MAL: variants seen among roughly 807,000 people sequenced by gnomAD.
MAL encodes the protein myelin and lymphocyte protein.
MAL carries 5 observed loss-of-function variants against 16.7 expected under a neutral mutation model. The observed-to-expected ratio is 0.30, with a 90% CI of 0.16 to 0.63. MAL has a LOEUF of 0.63. Among genes scored for constraint, MAL ranks in the 30% least tolerant of loss-of-function variants. The pLI, the probability that MAL is intolerant of heterozygous loss-of-function variation, is 0.82. For synonymous variants in MAL, 96 were observed against 85.5 expected (o/e 1.12, Z -0.67); for missense variants, 202 against 195.8 (o/e 1.03, Z -0.19).
At chr2:95,038,428 C>CTGAGTGACTGAG in intron 1 of MAL, among the ~76,000 whole-genome samples, 1 of 112,618 alleles carries the variant, frequency 8.9e-6, no homozygotes, top group East Asian at 2.8e-4. Context: ...GAATGAGTGA[C>CTGAGTGACTGAG]TGAGTGACTG....
intron 1 of MAL, among the ~76,000 whole-genome samples, chr2:95,028,115 T>C (rs780267127): frequency 3.8e-5 from 5 of 132,280 alleles, no homozygotes; most frequent in African/African-American, 3.0e-5. Flanking sequence ...GAGACCAGAC[T>C]GACCAACATG....
chr2:95,039,304 G>T (rs564109666), intron 1 of MAL, among the ~76,000 whole-genome samples: 25 of 150,682 alleles, frequency 1.7e-4, no homozygotes, highest in Admixed American at 1.2e-3. Flanking sequence ...GAGTGACTGA[G>T]TGGGTGAGTG....
chr2:95,029,267 G>A (rs1306912975), intron 1 of MAL, among the ~76,000 whole-genome samples: 11 of 152,034 alleles, frequency 7.2e-5, no homozygotes, highest in African/African-American at 2.2e-4. Flanking sequence ...CTCTCCCTCC[G>A]TCCTCAGGGC....
intron 3 of MAL, chr2:95,051,614 G>A (rs548039382): frequency 6.6e-6 from 1 of 151,312 alleles, no homozygotes; most frequent in East Asian, 2.0e-4. Context: ...TCTCATTACT[G>A]TATAGTATTC....
Position 95,048,021 on chromosome 2 carries a change from G to C in MAL, c.156G>C (p.Gln52His). 6.2e-7 allele frequency: 1 copy of C among 1,613,982 alleles called. No individual in the cohort carries two copies. Residue 52 changes from glutamine (Q) to histidine (H), a missense_variant, in exon 2 of 4, where the codon CAG (glutamine) becomes CAC (histidine). Coordinates refer to ENST00000309988, the MANE Select transcript of MAL (RefSeq NM_002371.4). ...CCCTGGTGCCCTGGCCCCTGGTCCA[G>C]GGCTGGGTGATGTTCGTGTCTGTGT... ...ASSLVPWPLVQGWVMFVSVFC... is the reference protein window; with the variant it reads ...ASSLVPWPLVHGWVMFVSVFC...
In MAL at chr2:95,053,698, C is replaced by T. The variant is rs912023589; in HGVS notation, c.*243C>T. On this transcript the variant is annotated 3_prime_UTR_variant, in exon 4 of 4. Coordinates refer to ENST00000309988, the MANE Select transcript of MAL (RefSeq NM_002371.4). ...TAACCTCCAACTGCTGTGCTGTCTGCTAGGGTCACCTCCTGTTTGTGAAAG... is the reference window on the plus strand; with the variant it reads ...TAACCTCCAACTGCTGTGCTGTCTGTTAGGGTCACCTCCTGTTTGTGAAAG... 8 of 516,884 alleles carry T rather than the reference C, an allele frequency of 1.5e-5. No individual in the cohort carries two copies. The highest frequency in any genetic ancestry group is 3.5e-6 in the Non-Finnish European group (1 of 288,748). The allele number at this position is 516,884 out of a possible 1,614,324, so 32.0% of individuals were successfully genotyped here. A position where few individuals can be genotyped will look rare whatever the true frequency, so the allele number is the denominator to read the frequency against.
chr2:95,027,185 A>C (rs1673963407), intron 1 of MAL, among the ~76,000 whole-genome samples: 1 of 152,150 alleles, frequency 6.6e-6, no homozygotes, highest in South Asian at 2.1e-4. Flanking sequence ...GAAGTTCAGC[A>C]TACAAGAAGG....
At chr2:95,033,984 C>T (rs1328087397) in intron 1 of MAL, among the ~76,000 whole-genome samples, 1 of 152,198 alleles carries the variant, frequency 6.6e-6, no homozygotes, top group Non-Finnish European at 1.5e-5. Flanking sequence ...GCTACTGCCC[C>T]ATAGCTATCA....
chr2:95,025,738 G>T lies in MAL; in HGVS notation c.-55G>T. On this transcript the variant is annotated 5_prime_UTR_variant, in exon 1 of 4. Transcript: ENST00000309988. The surrounding 1 kb of genome is among the most constrained non-coding windows in gnomAD (Gnocchi z 5.6). ...GCTCCGCGGAGCCAGCGAGAGGTCT[G>T]CGCGGAGTCTGAGCGGCGCTCGTCC... The T allele has an allele frequency of 1.6e-6, 2 of 1,283,546 alleles. 1 individual carries two copies. The highest frequency in any genetic ancestry group is 2.1e-6 in the Non-Finnish European group (2 of 945,792). The allele number at this position is 1,283,546 out of a possible 1,614,324, so 79.5% of individuals were successfully genotyped here. A position where few individuals can be genotyped will look rare whatever the true frequency, so the allele number is the denominator to read the frequency against.
intron 1 of MAL, among the ~76,000 whole-genome samples, chr2:95,037,621 T>TGACAAAGTAAGTGAGTGAGTGAGC (rs1674270031): frequency 4.0e-5 from 6 of 150,620 alleles, no homozygotes; most frequent in African/African-American, 1.2e-4. Flanking sequence ...AGTGAGTGAG[T>TGACAAAGTAAGTGAGTGAGTGAGC]GACTAAGTAA....
intron 1 of MAL, among the ~76,000 whole-genome samples, chr2:95,043,592 G>C (rs1229897081): frequency 6.6e-6 from 1 of 152,232 alleles, no homozygotes; most frequent in Non-Finnish European, 1.5e-5. Context: ...TCCCAGAGAA[G>C]ACCGCGGCAA....
At chr2:95,032,286 CCTTAGCAGTGG>C (rs1003325443) in intron 1 of MAL, among the ~76,000 whole-genome samples, 4 of 152,252 alleles carry the variant, frequency 2.6e-5, no homozygotes, top group African/African-American at 4.8e-5. Context: ...CTCTGCACAG[CCTTAGCAGTGG>C]CTTGGCTTTG....
chr2:95,029,607 G>A (rs1321007118), intron 1 of MAL, among the ~76,000 whole-genome samples: 1 of 152,164 alleles, frequency 6.6e-6, no homozygotes, highest in Non-Finnish European at 1.5e-5. Context: ...ACACTTGGAG[G>A]ATGTGACTTG....
chr2:95,030,205 G>C (rs930382362), intron 1 of MAL, among the ~76,000 whole-genome samples: 17 of 152,210 alleles, frequency 1.1e-4, no homozygotes, highest in Admixed American at 3.3e-4. Flanking sequence ...GTCCTCACAG[G>C]AAGAGGAAGG....
At chr2:95,045,207 G>A (rs771632770) in intron 1 of MAL, among the ~76,000 whole-genome samples, 7 of 152,158 alleles carry the variant, frequency 4.6e-5, no homozygotes, top group African/African-American at 7.2e-5. Context: ...GAGGAAAATC[G>A]TTTCCTCACT....
intron 1 of MAL, among the ~76,000 whole-genome samples, chr2:95,035,748 C>T (rs1674189421): frequency 1.3e-5 from 2 of 151,004 alleles, no homozygotes; most frequent in Non-Finnish European, 1.5e-5. Flanking sequence ...CGGCTCACTG[C>T]AACCTCTGCC....
In MAL at chr2:95,053,291, C is replaced by G. The variant is rs1558663485; in HGVS notation, c.388-90C>G. The G allele has an allele frequency of 1.0e-5, 9 of 887,050 alleles. No homozygotes were observed. In the East Asian group the frequency reaches 1.7e-4, roughly 17 times the overall value. 54.9% of individuals were successfully genotyped at this position (887,050 alleles called of 1,614,324 possible). A position where few individuals can be genotyped will look rare whatever the true frequency, so the allele number is the denominator to read the frequency against. On this transcript the variant is annotated intron_variant, in intron 3 of 3. Transcript: ENST00000309988. ...GCCCAAGCTCTCTGGGTCTGGCCCC[C>G]CCTACGCCACGTGGGGCTGGATGCA...
chr2:95,049,366 C>A (rs1422380834), intron 2 of MAL, among the ~76,000 whole-genome samples: 1 of 152,166 alleles, frequency 6.6e-6, no homozygotes, highest in Non-Finnish European at 1.5e-5. Context: ...AGACCAGTGT[C>A]CCATCCCCAG....
intron 1 of MAL, among the ~76,000 whole-genome samples, chr2:95,041,188 G>A (rs1674455242): frequency 6.6e-6 from 1 of 152,170 alleles, no homozygotes; most frequent in South Asian, 2.1e-4. Context: ...TCAGCCACAG[G>A]GAATGGAAAC....
Sources: allele counts gnomAD v4.1 joint callset (sites outside exome capture counted in the v4.1 genomes callset), GRCh38; gene constraint gnomAD v4.1.1; non-coding constraint Gnocchi (gnomAD v3.1); transcripts MANE v1.5; gene names NCBI Gene and HGNC (gene_info 2026-07-23, HGNC 2026-07-21).